NRG1: variants seen among roughly 807,000 people sequenced by gnomAD.
The protein encoded by NRG1 is neuregulin 1, also known as pro-neuregulin-1, membrane-bound isoform.
NRG1 carries 18 observed loss-of-function variants against 63.8 expected under a neutral mutation model. The observed-to-expected ratio is 0.28, with a 90% CI of 0.19 to 0.42. The LOEUF (loss-of-function observed/expected upper bound fraction) is 0.42, where lower values mean the gene tolerates loss of function less well. Ranked by LOEUF, NRG1 falls within the 10% of genes least tolerant of loss-of-function variation. The probability of loss-of-function intolerance (pLI) is 1.00; values close to 1 mark genes in which losing one functional copy is unlikely to be tolerated. For missense variants in NRG1, 762 were observed against 814.7 expected (o/e 0.94, Z 0.79); for synonymous variants, 302 against 301.3 (o/e 1.00, Z -0.02).
At chr8:31,708,615 T>C (rs1237725758) in intron 1 of NRG1, among the ~76,000 whole-genome samples, 1 of 151,386 alleles carries the variant, frequency 6.6e-6, no homozygotes, top group Non-Finnish European at 1.5e-5. Flanking sequence ...CCGGCTAATT[T>C]TTTGTATTTT....
intron 1 of NRG1, among the ~76,000 whole-genome samples, chr8:32,337,760 A>C (rs1803508510): frequency 1.3e-5 from 2 of 150,164 alleles, no homozygotes; most frequent in Non-Finnish European, 1.5e-5. Context: ...CTAAAGGCCA[A>C]GCCTGCATAT....
chr8:32,306,085 C>T (rs571961452), intron 1 of NRG1, among the ~76,000 whole-genome samples: 3 of 152,248 alleles, frequency 2.0e-5, no homozygotes, highest in African/African-American at 4.8e-5. Flanking sequence ...AATAAAATGA[C>T]CCTTAACTCC....
At chr8:32,489,505 C>T (rs990358171) in intron 1 of NRG1, among the ~76,000 whole-genome samples, 6 of 152,046 alleles carry the variant, frequency 3.9e-5, no homozygotes, top group Admixed American at 6.5e-5. Flanking sequence ...CTGGTTAGGG[C>T]GGGGGGCACT....
At chr8:32,643,454 C>T (rs1283081336) in intron 5 of NRG1, among the ~76,000 whole-genome samples, 2 of 152,162 alleles carry the variant, frequency 1.3e-5, no homozygotes, top group African/African-American at 2.4e-5. Context: ...CAGGTTGGTG[C>T]ACCATTTCAC....
rs768503156 is a variant in NRG1, at chr8:32,728,123, G to A, written c.632+45G>A. ...GTGTCGCTTATGTCTATAACTCCTT[G>A]TTTCAGATGATTCTATGTCTCATGA... is the stretch of plus-strand genomic sequence containing the variant. On this transcript the variant is annotated intron_variant, in intron 6 of 11. Coordinates refer to ENST00000356819, the Ensembl canonical transcript of NRG1. 2.2e-5 allele frequency: 35 copies of A among 1,607,124 alleles called. No individual in the cohort carries two copies. The Admixed American group carries it at 3.7e-4, about 17-fold the overall frequency.
At chr8:32,027,084 T>G (rs1027344577) in intron 1 of NRG1, among the ~76,000 whole-genome samples, 6 of 152,120 alleles carry the variant, frequency 3.9e-5, no homozygotes, top group Non-Finnish European at 8.8e-5. Flanking sequence ...GTTATTCTAT[T>G]ATTTTGTCTT....
intron 5 of NRG1, among the ~76,000 whole-genome samples, chr8:32,628,788 A>G (rs1431586776): frequency 1.4e-5 from 2 of 147,442 alleles, no homozygotes; most frequent in African/African-American, 5.1e-5. Context: ...GCTGGAGTGC[A>G]GTGGCATGAT....
At chr8:32,673,848 C>G (rs1053166124) in intron 5 of NRG1, among the ~76,000 whole-genome samples, 6 of 152,162 alleles carry the variant, frequency 3.9e-5, no homozygotes, top group African/African-American at 1.2e-4. Context: ...GCTGAATGCT[C>G]TTGTCCACTG....
chr8:32,510,171 CAG>C (rs1271869946), intron 1 of NRG1, among the ~76,000 whole-genome samples: 1 of 148,860 alleles, frequency 6.7e-6, no homozygotes, highest in Admixed American at 6.7e-5. Context: ...GAAAGAGAGA[CAG>C]AAAGAAAAAA....
chr8:31,739,728 CT>C (rs1215435478), intron 1 of NRG1, among the ~76,000 whole-genome samples: 1 of 152,082 alleles, frequency 6.6e-6, no homozygotes, highest in African/African-American at 2.4e-5. Context: ...GAGAATTTCT[CT>C]TCTTTTGATG....
At chr8:32,333,453 A>G (rs1276511636) in intron 1 of NRG1, among the ~76,000 whole-genome samples, 1 of 152,214 alleles carries the variant, frequency 6.6e-6, no homozygotes. Context: ...TGTGATGGGC[A>G]TAATGGGATC....
At chr8:32,425,934 G>C (rs914885208) in intron 1 of NRG1, among the ~76,000 whole-genome samples, 17 of 152,110 alleles carry the variant, frequency 1.1e-4, no homozygotes, top group African/African-American at 4.1e-4. Flanking sequence ...ACAGTTTCTC[G>C]GGCTGGGTTA....
At position 31,964,288 on chromosome 8, in the gene NRG1, A is replaced by T. The variant is rs575516700; in HGVS notation, c.37+324857A>T. On this transcript the variant is annotated intron_variant, in intron 1 of 10. Transcript: ENST00000519301. ...TCCTATATCATAGAAGTCTAGGAAGATACAAGCAAGTGCTGTCATAGACAG... is the reference window on the plus strand; with the variant it reads ...TCCTATATCATAGAAGTCTAGGAAGTTACAAGCAAGTGCTGTCATAGACAG... Among the ~76,000 whole-genome samples the T allele has an allele frequency of 2.6e-5, 4 of 152,330 alleles. No individual in the cohort carries two copies. In the South Asian group the frequency reaches 8.3e-4, roughly 32 times the overall value.
At chr8:32,273,770 AC>A (rs1360827005) in intron 1 of NRG1, among the ~76,000 whole-genome samples, 2 of 152,178 alleles carry the variant, frequency 1.3e-5, no homozygotes, top group African/African-American at 4.8e-5. Flanking sequence ...TTTGAAAGAA[AC>A]TTTAAAGGTA....
chr8:32,682,160 A>G (rs1808825292), intron 5 of NRG1, among the ~76,000 whole-genome samples: 1 of 152,114 alleles, frequency 6.6e-6, no homozygotes. Flanking sequence ...AATTTGTGTA[A>G]TTATTTTTTG....
At chr8:32,379,176 C>T (rs1248936141) in intron 1 of NRG1, among the ~76,000 whole-genome samples, 1 of 151,986 alleles carries the variant, frequency 6.6e-6, no homozygotes, top group African/African-American at 2.4e-5. Flanking sequence ...CTTAGGTTCA[C>T]CTTGACAGAT....
chr8:32,241,042 T>C (rs1848052271), intron 1 of NRG1, among the ~76,000 whole-genome samples: 1 of 152,044 alleles, frequency 6.6e-6, no homozygotes, highest in African/African-American at 2.4e-5. Flanking sequence ...ATTATGTGAA[T>C]CTGTGGTTCT....
At chr8:32,067,528 A>C (rs974615116) in intron 1 of NRG1, among the ~76,000 whole-genome samples, 1 of 152,114 alleles carries the variant, frequency 6.6e-6, no homozygotes, top group African/African-American at 2.4e-5. Flanking sequence ...CTTGCATCCC[A>C]GGGATGAAGC....
chr8:31,709,227 C>CT (rs1362087948), intron 1 of NRG1, among the ~76,000 whole-genome samples: 1 of 147,452 alleles, frequency 6.8e-6, no homozygotes, highest in African/African-American at 2.5e-5. Context: ...GGTCAAAAAC[C>CT]TTTTTCATCT....
Sources: gnomAD v4.1 joint callset for allele counts (sites outside exome capture counted in the v4.1 genomes callset) on GRCh38, gnomAD v4.1.1 for gene constraint, MANE v1.5 for transcripts, NCBI Gene and HGNC (gene_info 2026-07-23, HGNC 2026-07-21) for gene names.